Variants in PRKCZ observed in about 807,000 individuals in gnomAD.
The protein encoded by PRKCZ is protein kinase C zeta, also known as protein kinase C zeta type.
Under a neutral mutation model 79.5 loss-of-function variants are expected in PRKCZ, and 33 were observed. The ratio of observed to expected loss-of-function variants is 0.41; its 90% CI spans 0.31 to 0.55. PRKCZ has a LOEUF of 0.55. Ranked by LOEUF, PRKCZ falls within the 20% of genes least tolerant of loss-of-function variation. PRKCZ has a pLI of 0.19. For missense variants in PRKCZ, 578 were observed against 813.5 expected, an observed-to-expected ratio of 0.71 and a Z score of 3.52; for synonymous variants, 342 against 320.9, an observed-to-expected ratio of 1.07 and a Z score of -0.70.
intron 4 of PRKCZ, among the ~76,000 whole-genome samples, chr1:2,084,539 C>T (rs545388696): frequency 2.6e-5 from 4 of 152,326 alleles, no homozygotes; most frequent in African/African-American, 4.8e-5. Flanking sequence ...TACCTGCGTC[C>T]GGCCCACCCG....
chr1:2,121,622 GGTTAGGGTCACAGTGGTA>G (rs1320038332), intron 4 of PRKCZ, among the ~76,000 whole-genome samples: 1,080 of 17,786 alleles, frequency 0.061, 377 homozygotes, highest in Non-Finnish European at 0.075. Context: ...TCATGGTGGT[GGTTAGGGTCACAGTGGTA>G]GTTAGGGTCA....
chr1:2,050,619 G>A lies in PRKCZ; in HGVS notation c.-12G>A. 4.1e-6 allele frequency: 5 copies of A among 1,222,494 alleles called. No individual in the cohort carries two copies. Among genetic ancestry groups the A allele is most frequent in the African/African-American group, 1.6e-5 (1 of 64,006 alleles). The allele number at this position is 1,222,494 out of a possible 1,614,324, so 75.7% of individuals were successfully genotyped here. A position where few individuals can be genotyped will look rare whatever the true frequency, so the allele number is the denominator to read the frequency against. On this transcript the variant is annotated 5_prime_UTR_variant, in exon 1 of 18. Transcript: ENST00000378567. ...CGGGGCGCAGCGCTGACGGCGGCGGGGGGAGCGCGCCATGCCCAGCAGGAC... is the reference window on the plus strand; with the variant it reads ...CGGGGCGCAGCGCTGACGGCGGCGGAGGGAGCGCGCCATGCCCAGCAGGAC...
intron 4 of PRKCZ, among the ~76,000 whole-genome samples, chr1:2,095,904 T>TTTCCC (rs1666413365): frequency 1.9e-5 from 1 of 52,244 alleles, no homozygotes; most frequent in Non-Finnish European, 3.4e-5. Flanking sequence ...CCTCCCCTCC[T>TTTCCC]CTCCCCTCCT....
chr1:2,077,843 G>A (rs1203881878), intron 4 of PRKCZ, among the ~76,000 whole-genome samples: 1 of 152,102 alleles, frequency 6.6e-6, no homozygotes, highest in Non-Finnish European at 1.5e-5. Context: ...TTCCTTCCTT[G>A]TTCCATCCTC....
At chr1:2,054,941 A>ATT (rs552863793) in intron 1 of PRKCZ, among the ~76,000 whole-genome samples, 14 of 123,636 alleles carry the variant, frequency 1.1e-4, no homozygotes, top group Non-Finnish European at 1.6e-4. Flanking sequence ...GATGGTGGTC[A>ATT]TTTTTTTTTT....
At chr1:2,065,075 A>C (rs1048952410) in intron 4 of PRKCZ, among the ~76,000 whole-genome samples, 3 of 152,108 alleles carry the variant, frequency 2.0e-5, no homozygotes, top group African/African-American at 7.2e-5. Context: ...CCCTTGGTTA[A>C]TTCCTAAACG....
chr1:2,171,630 A>G (rs1302203401), intron 11 of PRKCZ: 1 of 159,572 alleles, frequency 6.3e-6, no homozygotes, highest in Non-Finnish European at 1.4e-5. Flanking sequence ...GACCTCCCGA[A>G]GTGCTGGGAT....
intron 7 of PRKCZ, 72 bp downstream of exon 7, chr1:2,146,180 C>T: frequency 7.0e-7 from 1 of 1,436,078 alleles, no homozygotes. Context: ...GCCTTCTAGC[C>T]ACGAGTCCTT....
rs1329793442 is a variant in PRKCZ, at chr1:2,059,733, C to T, written c.334+142C>T. ...AGGGCAGGAGCAGCCGTGGTGACCG[C>T]AGGTGGGGTTTTCACTGCAGCTGCT... On this transcript the variant is annotated intron_variant, in intron 4 of 17. Transcript: ENST00000378567. The T allele has an allele frequency of 3.6e-6, 4 of 1,102,598 alleles. No homozygotes were observed. In the African/African-American group the frequency reaches 4.7e-5, roughly 13 times the overall value. The allele number at this position is 1,102,598 out of a possible 1,614,324, so 68.3% of individuals were successfully genotyped here.
chr1:2,175,473 C>T (rs1685292223), intron 16 of PRKCZ, among the ~76,000 whole-genome samples, 160 bp downstream of exon 16: 2 of 144,270 alleles, frequency 1.4e-5, no homozygotes, highest in South Asian at 4.5e-4. Flanking sequence ...AACCCTCACC[C>T]CACCACCAAC....
chr1:2,162,192 C>T (rs1392113489), intron 10 of PRKCZ, among the ~76,000 whole-genome samples: 1 of 152,138 alleles, frequency 6.6e-6, no homozygotes, highest in Non-Finnish European at 1.5e-5. Flanking sequence ...AGTGCAGTGG[C>T]GCAATCTTGG....
chr1:2,139,541 A>T (rs1310379165), intron 5 of PRKCZ, among the ~76,000 whole-genome samples: 1 of 152,174 alleles, frequency 6.6e-6, no homozygotes, highest in Non-Finnish European at 1.5e-5. Context: ...GTGAGCCGAG[A>T]TGGCACCACT....
At chr1:2,062,985 T>C (rs551196336) in intron 4 of PRKCZ, among the ~76,000 whole-genome samples, 22 of 152,170 alleles carry the variant, frequency 1.4e-4, no homozygotes, top group African/African-American at 5.3e-4. Flanking sequence ...TTCTGTGACT[T>C]TGGTGACTCT....
chr1:2,110,876 G>A (rs1020323248), intron 4 of PRKCZ, among the ~76,000 whole-genome samples: 5 of 152,220 alleles, frequency 3.3e-5, no homozygotes, highest in Non-Finnish European at 5.9e-5. Flanking sequence ...TGGGGCCAGG[G>A]TGGGGCTGGT....
chr1:2,183,522 T>A (rs968319116), intron 16 of PRKCZ: 1 of 148,542 alleles, frequency 6.7e-6, no homozygotes, highest in Non-Finnish European at 1.5e-5. Flanking sequence ...GGTTAGAGAG[T>A]GAGGGAGTAA....
Position 2,178,190 on chromosome 1 carries a change from C to T in PRKCZ, c.1575+2877C>T, listed in dbSNP as rs1019410788. Among the ~76,000 whole-genome samples the T allele has an allele frequency of 2.6e-4, 40 of 152,298 alleles. No homozygotes were observed. The highest frequency in any genetic ancestry group is 9.1e-4 in the African/African-American group (38 of 41,564). On this transcript the variant is annotated intron_variant, in intron 16 of 17. Transcript: ENST00000378567. This position sits in a 1 kb window ranked among gnomAD's most constrained non-coding sequence, Gnocchi z 4.3. ...CATCACCCTGTACCCAGAGAAGACCCGAACCCACTCCAGCCTCTCCCCACA... is the reference window on the plus strand; with the variant it reads ...CATCACCCTGTACCCAGAGAAGACCTGAACCCACTCCAGCCTCTCCCCACA...
chr1:2,143,989 C>A lies in PRKCZ; in HGVS notation c.421-221C>A, dbSNP rs949959511. The A allele has an allele frequency of 1.9e-5, 11 of 568,368 alleles. No homozygotes were observed. In the Admixed American group the frequency reaches 3.6e-4, roughly 19 times the overall value. The allele number at this position is 568,368 out of a possible 1,614,324, so 35.2% of individuals were successfully genotyped here. A position where few individuals can be genotyped will look rare whatever the true frequency, so the allele number is the denominator to read the frequency against. ...CCCTCATGCAGAGCAGGGTTCCAGGCCTCTCCTTGGGGCCACTGGTTCCCC... is the reference window on the plus strand; with the variant it reads ...CCCTCATGCAGAGCAGGGTTCCAGGACTCTCCTTGGGGCCACTGGTTCCCC... On this transcript the variant is annotated intron_variant, in intron 5 of 17. Coordinates refer to ENST00000378567, the MANE Select transcript of PRKCZ (RefSeq NM_002744.6).
intron 10 of PRKCZ, among the ~76,000 whole-genome samples, chr1:2,158,376 TTG>T (rs1464852798): frequency 6.6e-6 from 1 of 152,234 alleles, no homozygotes; most frequent in African/African-American, 2.4e-5. Context: ...TGGACGAGGC[TTG>T]TGGTGACCAG....
chr1:2,144,696 C>A (rs1678132538), intron 6 of PRKCZ: 1 of 989,340 alleles, frequency 1.0e-6, no homozygotes, highest in Non-Finnish European at 1.2e-6. Context: ...GACCTAGTAG[C>A]ATTGGGCACG....
Sources: gnomAD v4.1 joint callset for allele counts (sites outside exome capture counted in the v4.1 genomes callset) on GRCh38, gnomAD v4.1.1 for gene constraint, Gnocchi (gnomAD v3.1) non-coding constraint, MANE v1.5 for transcripts, NCBI Gene and HGNC (gene_info 2026-07-23, HGNC 2026-07-21) for gene names.